SLC36A3: variants seen among roughly 807,000 people sequenced by gnomAD.
The protein encoded by SLC36A3 is proton-coupled amino acid transporter 3.
Under a neutral mutation model 44.3 loss-of-function variants are expected in SLC36A3, and 35 were observed. That is an observed-to-expected ratio of 0.79 (90% CI 0.60 to 1.05). The LOEUF (loss-of-function observed/expected upper bound fraction) is 1.05. Among genes scored for constraint, SLC36A3 ranks in the 50% least tolerant of loss-of-function variants. The pLI is 0.00. For missense variants in SLC36A3, 540 were observed against 578.7 expected, an observed-to-expected ratio of 0.93 and a Z score of 0.69; for synonymous variants, 211 against 227.6, an observed-to-expected ratio of 0.93 and a Z score of 0.66.
chr5:151,284,616 A>G lies in SLC36A3; in HGVS notation c.804T>C (p.Gly268=), dbSNP rs1174132881. 1 of 1,610,350 alleles carries G rather than the reference A, an allele frequency of 6.2e-7. No individual in the cohort carries two copies. Among genetic ancestry groups the G allele is most frequent in the Non-Finnish European group, 8.5e-7 (1 of 1,177,526 alleles). Residue 268 remains glycine (G), a synonymous_variant, in exon 7 of 10, where the codon GGT becomes GGC. Coordinates refer to ENST00000335230, the MANE Select transcript of SLC36A3 (RefSeq NM_181774.4). The part of the protein sequence containing the change: ...GTAIFTFEGV[G]MVLPLKNQMK... ...GCGTGAACCCCATCAATCTTACCAT[A>G]CCGACGCCTTCAAATGTGAAGATGG...
intron 4 of SLC36A3, 37 bp downstream of exon 4, chr5:151,293,327 T>C: frequency 1.3e-6 from 2 of 1,538,624 alleles, no homozygotes; most frequent in Non-Finnish European, 1.8e-6. Flanking sequence ...GATATGATGA[T>C]TTTTGTTGTT....
At chr5:151,290,884 T>TAAG (rs1392876627) in intron 4 of SLC36A3, among the ~76,000 whole-genome samples, 1 of 151,290 alleles carries the variant, frequency 6.6e-6, no homozygotes, top group African/African-American at 2.4e-5. Context: ...CTCAAAATAA[T>TAAG]AATAATAATA....
intron 7 of SLC36A3, 73 bp downstream of exon 7, chr5:151,284,540 C>A: frequency 8.8e-7 from 1 of 1,141,052 alleles, no homozygotes; most frequent in South Asian, 1.5e-5. Context: ...ACTATTTATT[C>A]AGACATCTGC....
rs745688449 is a variant in SLC36A3 at position 151,277,398 on chromosome 5, C to T, written c.1408G>A (p.Ala470Thr). ...HSMANSTGVH[A>T] is the part of the protein sequence containing the mutation. ...ATTAGAATAAAAACAGATAATTATG[C>T]ATGGACACCTGTGGAGTTGGCCATG... Residue 470 changes from alanine to threonine, a missense_variant, in exon 10 of 10, where the codon GCA (alanine) becomes ACA (threonine). Ala to Thr is a moderately conservative substitution (Grantham distance 58). Coordinates refer to ENST00000335230, the MANE Select transcript of SLC36A3 (RefSeq NM_181774.4). 23 of 1,613,860 alleles carry T rather than the reference C, an allele frequency of 1.4e-5. No homozygotes were observed. The Admixed American group carries it at 3.8e-4, about 27-fold the overall frequency.
In SLC36A3 at chr5:151,303,699, AGT is replaced by A; in HGVS notation, c.-347_-346del. On this transcript the variant is annotated 5_prime_UTR_variant, in exon 1 of 10. An upstream open reading frame in the 5' UTR gains an earlier in-frame stop. Transcript: ENST00000335230. The stretch of plus-strand genomic sequence containing the variant: ...CTTGCTGCTGTAGGGCAAAGTGAAC[AGT>A]GTGACTGGGAGGAAGAAGACACCAT... The A allele has an allele frequency of 4.9e-6, 1 of 202,350 alleles. No individual in the cohort carries two copies. The highest frequency in any genetic ancestry group is 1.0e-5 in the Non-Finnish European group (1 of 100,120). The allele number at this position is 202,350 out of a possible 1,614,324, so 12.5% of individuals were successfully genotyped here. A position where few individuals can be genotyped will look rare whatever the true frequency, so the allele number is the denominator to read the frequency against.
In SLC36A3 at chr5:151,303,395, G is replaced by A. The variant is rs754439145; in HGVS notation, c.-41C>T. ...TAGGTGGCAGAGGCTCAGGGTTAAG[G>A]CTCTGAATGAGCCTCTGATGGGTCT... On this transcript the variant is annotated 5_prime_UTR_variant, in exon 1 of 10. Transcript: ENST00000335230. 14 of 1,589,530 alleles carry A rather than the reference G, an allele frequency of 8.8e-6. No homozygotes were observed. Among genetic ancestry groups the A allele is most frequent in the Non-Finnish European group, 1.2e-5 (14 of 1,164,578 alleles).
intron 2 of SLC36A3, among the ~76,000 whole-genome samples, 158 bp downstream of exon 2, chr5:151,298,435 C>T (rs1333712394): frequency 2.6e-5 from 4 of 152,114 alleles, no homozygotes; most frequent in Non-Finnish European, 5.9e-5. Context: ...TCAGGTTGGA[C>T]CCAGGTTGAC....
At chr5:151,277,729 A>G in intron 9 of SLC36A3, 68 bp from the exon 10 acceptor site, 1 of 1,533,826 alleles carries the variant, frequency 6.5e-7, no homozygotes. Flanking sequence ...TTGGAGCCCT[A>G]GAATTTCACA....
chr5:151,280,957 G>A lies in SLC36A3; in HGVS notation c.1144+57C>T, dbSNP rs551738980. The A allele has an allele frequency of 1.2e-5, 20 of 1,602,742 alleles. No individual in the cohort carries two copies. The Admixed American group carries it at 1.5e-4, about 12-fold the overall frequency. On this transcript the variant is annotated intron_variant, in intron 9 of 9. Transcript: ENST00000335230. Reference sequence around the variant, plus strand: ...CAGATCCAATGATGGTGGGGTGGGCGCCAGCGTGGCTCCCTGTCATAGCTT... The same window carrying A: ...CAGATCCAATGATGGTGGGGTGGGCACCAGCGTGGCTCCCTGTCATAGCTT...
At chr5:151,298,389 T>G in intron 2 of SLC36A3, 1 of 549,118 alleles carries the variant, frequency 1.8e-6, no homozygotes, top group Non-Finnish European at 3.3e-6. Context: ...GCATGGTGAG[T>G]CTTTAAGAGT....
intron 8 of SLC36A3, among the ~76,000 whole-genome samples, chr5:151,282,115 T>G (rs1754344328): frequency 2.9e-5 from 4 of 138,194 alleles, no homozygotes; most frequent in Admixed American, 2.9e-4. Flanking sequence ...TTCTTTGTTT[T>G]TTTTTTTTTT....
chr5:151,284,065 G>A lies in SLC36A3; in HGVS notation c.953C>T (p.Thr318Ile), dbSNP rs761701562. 4 of 1,612,746 alleles carry A rather than the reference G, an allele frequency of 2.5e-6. No individual in the cohort carries two copies. The highest frequency in any genetic ancestry group is 1.7e-4 in the Middle Eastern group (1 of 6,052). ...ATACCAGCAATTGGGCAAGTTGAGG[G>A]TGATGCTGGCCTGGGTGTCTGACCC... is the stretch of plus-strand genomic sequence containing the variant. ...KFGSDTQASITLNLPNCWLYQ... is the reference protein window; with the variant it reads ...KFGSDTQASIILNLPNCWLYQ... The change falls in exon 8 of 10, where the codon ACC (threonine) becomes ATC (isoleucine). Residue 318 changes from threonine (T) to isoleucine (I), a missense_variant. Transcript: ENST00000335230.
In SLC36A3 at chr5:151,284,645, T is replaced by C. The variant is rs375214964; in HGVS notation, c.775A>G (p.Thr259Ala). 25 of 1,613,012 alleles carry C rather than the reference T, an allele frequency of 1.5e-5. No homozygotes were observed. Among genetic ancestry groups the C allele is most frequent in the Non-Finnish European group, 8.5e-7 (1 of 1,179,306 alleles). The change falls in exon 7 of 10, where the codon ACA becomes GCA. Residue 259 changes from threonine (T) to alanine (A), a missense_variant. Physicochemically the swap from Thr to Ala is moderately conservative, Grantham distance 58 (BLOSUM62 0). Transcript: ENST00000335230. ...NWKTFLLFFG[T>A]AIFTFEGVGM... is the part of the protein sequence containing the mutation. ...ACGCCTTCAAATGTGAAGATGGCTGTACCAAAGAACAGCAAGAAGGTCTTC... is the reference window on the plus strand; with the variant it reads ...ACGCCTTCAAATGTGAAGATGGCTGCACCAAAGAACAGCAAGAAGGTCTTC...
intron 5 of SLC36A3, 124 bp from the exon 6 acceptor site, chr5:151,287,588 A>T: frequency 3.5e-6 from 3 of 858,208 alleles, no homozygotes; most frequent in Non-Finnish European, 5.4e-6. Flanking sequence ...ATTGCATAAG[A>T]CACGCTCATA....
chr5:151,285,809 G>C (rs1754515137), intron 6 of SLC36A3, among the ~76,000 whole-genome samples: 1 of 152,182 alleles, frequency 6.6e-6, no homozygotes, highest in African/African-American at 2.4e-5. Context: ...GAGGCTGCTA[G>C]CTTTGAAGAT....
At chr5:151,288,158 T>G (rs1754614850) in intron 5 of SLC36A3, among the ~76,000 whole-genome samples, 1 of 152,234 alleles carries the variant, frequency 6.6e-6, no homozygotes, top group Non-Finnish European at 1.5e-5. Context: ...TGGACATGAT[T>G]GCAGGCCTCT....
At chr5:151,300,760 A>T (rs1050690952) in intron 1 of SLC36A3, among the ~76,000 whole-genome samples, 6 of 152,372 alleles carry the variant, frequency 3.9e-5, no homozygotes, top group African/African-American at 1.2e-4. Context: ...CGAAAACTAT[A>T]CAATTGCTAT....
chr5:151,298,588 C>T lies in SLC36A3; in HGVS notation c.219+5G>A, dbSNP rs529150973. ...CCTAGTTCCCATCCCACAGATGCCT[C>T]TTACCAACAAGCCGGCATTCTTTAT... On this transcript the variant is annotated splice_donor_5th_base_variant and intron_variant, in intron 2 of 9. Coordinates refer to ENST00000335230, the MANE Select transcript of SLC36A3 (RefSeq NM_181774.4). 4 of 1,614,084 alleles carry T rather than the reference C, an allele frequency of 2.5e-6. No individual in the cohort carries two copies. The East Asian group carries it at 8.9e-5, about 36-fold the overall frequency.
chr5:151,288,263 C>T, intron 5 of SLC36A3, 123 bp downstream of exon 5: 1 of 581,120 alleles, frequency 1.7e-6, no homozygotes, highest in Non-Finnish European at 2.7e-6. Flanking sequence ...CAAGCGTGGT[C>T]TGATCTAGGA....
Sources: allele counts gnomAD v4.1 joint callset (sites outside exome capture counted in the v4.1 genomes callset), GRCh38; gene constraint gnomAD v4.1.1; transcripts MANE v1.5; gene names NCBI Gene and HGNC (gene_info 2026-07-23, HGNC 2026-07-21).